Variants in NALF1 observed in about 807,000 individuals in gnomAD.
The protein encoded by NALF1 is NALCN channel auxiliary factor 1.
In NALF1, 3 loss-of-function variants were observed where a neutral mutation model predicts 48.4. That is an observed-to-expected ratio of 0.06 (90% confidence interval 0.03 to 0.16). The LOEUF (loss-of-function observed/expected upper bound fraction) is 0.16. Ranked by LOEUF, NALF1 falls within the 10% of genes least tolerant of loss-of-function variation. The pLI is 1.00. For synonymous variants in NALF1, 262 were observed against 245.7 expected (o/e 1.07, Z -0.62); for missense variants, 526 against 571.5 (o/e 0.92, Z 0.81).
chr13:107,470,982 T>A (rs572960216), intron 1 of NALF1, among the ~76,000 whole-genome samples: 2 of 152,308 alleles, frequency 1.3e-5, no homozygotes, highest in East Asian at 3.9e-4. Flanking sequence ...TGGTTTATGA[T>A]TGAGCAAGAA....
chr13:107,664,944 G>A (rs1200326926), intron 1 of NALF1, among the ~76,000 whole-genome samples: 1 of 149,250 alleles, frequency 6.7e-6, no homozygotes, highest in Non-Finnish European at 1.5e-5. Flanking sequence ...AAACCACTCA[G>A]AACAACACGT....
chr13:107,378,026 G>A (rs1178176729), intron 1 of NALF1, among the ~76,000 whole-genome samples: 1 of 152,096 alleles, frequency 6.6e-6, no homozygotes, highest in African/African-American at 2.4e-5. Flanking sequence ...TTGCTAAAAT[G>A]CCATCTCATC....
At chr13:107,425,329 T>C (rs1166216148) in intron 1 of NALF1, among the ~76,000 whole-genome samples, 3 of 152,138 alleles carry the variant, frequency 2.0e-5, no homozygotes, top group African/African-American at 7.2e-5. Flanking sequence ...TAGCCTAAAA[T>C]ACTATAAACG....
chr13:107,467,335 A>G (rs1220493781), intron 1 of NALF1, among the ~76,000 whole-genome samples: 2 of 152,202 alleles, frequency 1.3e-5, no homozygotes, highest in African/African-American at 4.8e-5. Flanking sequence ...CATTACTAAG[A>G]GACTAAGGTT....
Position 107,419,917 on chromosome 13 carries a change from C to T in NALF1, c.916-209162G>A, listed in dbSNP as rs1456402024. Among the ~76,000 whole-genome samples, 3 of 152,068 alleles carry T rather than the reference C, an allele frequency of 2.0e-5. No individual in the cohort carries two copies. In the East Asian group the frequency reaches 5.8e-4, roughly 29 times the overall value. On this transcript the variant is annotated intron_variant, in intron 1 of 2. Transcript: ENST00000375915. ...GCCAGTTTGCCATGCGGTGTTGAGA[C>T]AACAATTTACTTATATGTTACATGT...
intron 1 of NALF1, among the ~76,000 whole-genome samples, chr13:107,751,550 A>C (rs1173982032): frequency 6.6e-6 from 1 of 152,240 alleles, no homozygotes. Context: ...CAAATTAGTT[A>C]TTCCTTAAAA....
intron 1 of NALF1, among the ~76,000 whole-genome samples, chr13:107,300,722 G>T (rs1881820442): frequency 1.3e-5 from 2 of 152,110 alleles, no homozygotes; most frequent in South Asian, 4.1e-4. Flanking sequence ...GCATCTAAAT[G>T]ACAATGAAAA....
chr13:107,826,467 G>A (rs576834292), intron 1 of NALF1, among the ~76,000 whole-genome samples: 17 of 152,330 alleles, frequency 1.1e-4, no homozygotes, highest in African/African-American at 1.7e-4. Context: ...ATGAAAGAGC[G>A]GGAAAAGGCA....
chr13:107,662,981 ATTAT>A (rs1017429787), intron 1 of NALF1, among the ~76,000 whole-genome samples: 1 of 152,196 alleles, frequency 6.6e-6, no homozygotes, highest in African/African-American at 2.4e-5. Context: ...ATATTTATAT[ATTAT>A]TTAATGTGTC....
At chr13:107,589,607 T>C (rs931062478) in intron 1 of NALF1, among the ~76,000 whole-genome samples, 2 of 152,048 alleles carry the variant, frequency 1.3e-5, no homozygotes, top group Admixed American at 1.3e-4. Context: ...TAAATATTAA[T>C]TTTATTAGAT....
chr13:107,454,767 C>T (rs919369844), intron 1 of NALF1, among the ~76,000 whole-genome samples: 2 of 152,176 alleles, frequency 1.3e-5, no homozygotes, highest in African/African-American at 4.8e-5. Context: ...AGCTGCATAG[C>T]ACCCTTCTGG....
At chr13:107,321,225 A>G (rs1267227634) in intron 1 of NALF1, among the ~76,000 whole-genome samples, 1 of 152,148 alleles carries the variant, frequency 6.6e-6, no homozygotes, top group Non-Finnish European at 1.5e-5. Flanking sequence ...ATGGGCCTTT[A>G]AATTTGAAAA....
At position 107,302,166 on chromosome 13, in the gene NALF1, T is replaced by G. The variant is rs1007296439; in HGVS notation, c.916-91411A>C. Among the ~76,000 whole-genome samples, 8 of 152,184 alleles carry G rather than the reference T, an allele frequency of 5.3e-5. No individual in the cohort carries two copies. The South Asian group carries it at 1.7e-3, about 31-fold the overall frequency. ...GACTTGAGCTCGCAAGCTCAGCCCCTGCACCATGTGATGCCCTGTGCCACC... is the reference window on the plus strand; with the variant it reads ...GACTTGAGCTCGCAAGCTCAGCCCCGGCACCATGTGATGCCCTGTGCCACC... On this transcript the variant is annotated intron_variant, in intron 1 of 2. Transcript: ENST00000375915.
intron 1 of NALF1, among the ~76,000 whole-genome samples, chr13:107,698,800 T>C (rs559520879): frequency 2.6e-5 from 4 of 152,238 alleles, no homozygotes; most frequent in South Asian, 4.1e-4. Flanking sequence ...AGACAAACTG[T>C]ATCCACTTCT....
chr13:107,810,886 C>G (rs1220451890), intron 1 of NALF1, among the ~76,000 whole-genome samples: 1 of 152,102 alleles, frequency 6.6e-6, no homozygotes, highest in African/African-American at 2.4e-5. Flanking sequence ...AATCTCTTGC[C>G]TCTCTATTCT....
intron 1 of NALF1, among the ~76,000 whole-genome samples, chr13:107,267,017 G>T (rs1369859853): frequency 6.6e-6 from 1 of 152,126 alleles, no homozygotes. Context: ...GTTCTCATCT[G>T]TTTTGTTTTA....
chr13:107,866,264 C>G lies in NALF1; in HGVS notation c.333G>C (p.Gly111=), dbSNP rs772824419. The change falls in exon 1 of 3, where the codon GGG becomes GGC. Residue 111 remains glycine (G), a synonymous_variant. Transcript: ENST00000375915. This position sits in a 1 kb window ranked among gnomAD's most constrained non-coding sequence, Gnocchi z 4.4. ...PSWPALLASM[G]ESSPAAQAHR... is the part of the protein sequence containing the mutation. ...GTGCCTGGGCGGCGGGCGAGGACTC[C>G]CCCATGCTCGCCAGGAGCGCGGGCC... 7.5e-6 allele frequency: 12 copies of G among 1,596,778 alleles called. No individual in the cohort carries two copies. Among genetic ancestry groups the G allele is most frequent in the East Asian group, 6.7e-5 (3 of 44,546 alleles).
chr13:107,761,012 A>G (rs907364475), intron 1 of NALF1, among the ~76,000 whole-genome samples: 1 of 152,178 alleles, frequency 6.6e-6, no homozygotes, highest in African/African-American at 2.4e-5. Context: ...GTTTTCACTA[A>G]CAGACTTCTG....
At chr13:107,457,698 T>A (rs1399244248) in intron 1 of NALF1, among the ~76,000 whole-genome samples, 1 of 152,152 alleles carries the variant, frequency 6.6e-6, no homozygotes, top group African/African-American at 2.4e-5. Context: ...CACATGGAAA[T>A]TAAAATCTCA....
Sources: gnomAD v4.1 joint callset for allele counts (sites outside exome capture counted in the v4.1 genomes callset) on GRCh38, gnomAD v4.1.1 for gene constraint, Gnocchi (gnomAD v3.1) non-coding constraint, MANE v1.5 for transcripts, NCBI Gene and HGNC (gene_info 2026-07-23, HGNC 2026-07-21) for gene names.